COL9A1: variants seen among roughly 807,000 people sequenced by gnomAD.
COL9A1 encodes the protein collagen alpha-1(IX) chain.
In COL9A1, 104 loss-of-function variants were observed where a neutral mutation model predicts 142.6. The observed-to-expected ratio is 0.73, with a 90% CI of 0.62 to 0.86. COL9A1 has a LOEUF of 0.86. Ranked by LOEUF, COL9A1 falls within the 40% of genes least tolerant of loss-of-function variation. The pLI, the probability that COL9A1 is intolerant of heterozygous loss-of-function variation, is 0.00. For synonymous variants in COL9A1, 466 were observed against 396.0 expected, an observed-to-expected ratio of 1.18 and a Z score of -2.10; for missense variants, 1,210 against 1,176.6, an observed-to-expected ratio of 1.03 and a Z score of -0.42.
chr6:70,247,539 A>G (rs1336890812), intron 28 of COL9A1, among the ~76,000 whole-genome samples: 2 of 152,208 alleles, frequency 1.3e-5, no homozygotes, highest in Admixed American at 6.5e-5. Context: ...ATAAATCACT[A>G]TACTTAGTCT....
At chr6:70,289,727 T>C (rs1773587978) in intron 5 of COL9A1, among the ~76,000 whole-genome samples, 2 of 152,184 alleles carry the variant, frequency 1.3e-5, no homozygotes, top group South Asian at 4.1e-4. Context: ...AACAACTTAA[T>C]AAGCAGACTT....
chr6:70,247,889 G>A (rs187676373), intron 28 of COL9A1, among the ~76,000 whole-genome samples: 10 of 152,326 alleles, frequency 6.6e-5, no homozygotes, highest in Admixed American at 5.9e-4. Context: ...TAGATGGAGT[G>A]GGAGGGTGGC....
rs368608291 is a variant in COL9A1 at position 70,262,899 on chromosome 6, T to A, written c.1395+345A>T. The stretch of plus-strand genomic sequence containing the variant: ...TACTGCATATTTAGAACACACAAAA[T>A]TTTCTCATTATATCATGTGATAATA... On this transcript the variant is annotated intron_variant, in intron 19 of 37. Transcript: ENST00000357250. Among the ~76,000 whole-genome samples, 33 of 152,312 alleles carry A rather than the reference T, an allele frequency of 2.2e-4. No homozygotes were observed. In the East Asian group the frequency reaches 2.7e-3, roughly 12 times the overall value.
chr6:70,241,566 A>G, intron 30 of COL9A1, 112 bp from the exon 31 acceptor site: 1 of 877,524 alleles, frequency 1.1e-6, no homozygotes, highest in South Asian at 1.4e-5. Flanking sequence ...GTGATGGGAG[A>G]GGACGTTCCC....
intron 6 of COL9A1, 58 bp downstream of exon 6, chr6:70,283,679 G>A: frequency 7.8e-7 from 1 of 1,284,368 alleles, no homozygotes; most frequent in Non-Finnish European, 1.1e-6. Flanking sequence ...GGAAAGTGGT[G>A]AGGTGGAGAG....
chr6:70,254,547 A>G lies in COL9A1; in HGVS notation c.1666-18T>C, dbSNP rs752952751. On this transcript the variant is annotated intron_variant, in intron 24 of 37. Coordinates refer to ENST00000357250, the MANE Select transcript of COL9A1 (RefSeq NM_001851.6). ...GGTTCACCCTGCAAAAAAAGCTTTT[A>G]TCACATGATTGAACCTGTATGAGCT... The G allele has an allele frequency of 6.8e-6, 11 of 1,613,580 alleles. No homozygotes were observed. Among genetic ancestry groups the G allele is most frequent in the Non-Finnish European group, 9.3e-6 (11 of 1,179,602 alleles).
At chr6:70,279,842 C>G in intron 10 of COL9A1, 2 of 474,274 alleles carry the variant, frequency 4.2e-6, no homozygotes, top group Non-Finnish European at 7.8e-6. Flanking sequence ...TCTTGGAAAT[C>G]ATAATTATAG....
chr6:70,244,444 C>T (rs1770461203), intron 28 of COL9A1, among the ~76,000 whole-genome samples: 1 of 152,138 alleles, frequency 6.6e-6, no homozygotes, highest in African/African-American at 2.4e-5. Flanking sequence ...ACAGATTTTC[C>T]TCATCGTGTC....
chr6:70,229,439 G>C (rs866735152), intron 36 of COL9A1, among the ~76,000 whole-genome samples: 6 of 152,090 alleles, frequency 3.9e-5, no homozygotes, highest in African/African-American at 1.4e-4. Context: ...CATTATGAAC[G>C]AGTGGAAATT....
intron 33 of COL9A1, 132 bp downstream of exon 33, chr6:70,239,122 G>C (rs1364616514): frequency 4.6e-6 from 3 of 655,844 alleles, no homozygotes; most frequent in Non-Finnish European, 7.9e-6. Context: ...CTGGGCGACA[G>C]AGTGAGACTC....
At position 70,300,033 on chromosome 6, in the gene COL9A1, G is replaced by A. The variant is rs886061700; in HGVS notation, c.299+10C>T. ...CAGATAATTAGATTAAAATATTTTT[G>A]ATAGATTACCTAGTTGGAATCCTGA... On this transcript the variant is annotated intron_variant, in intron 4 of 37. Transcript: ENST00000357250. 4.3e-6 allele frequency: 7 copies of A among 1,612,512 alleles called. No individual in the cohort carries two copies. In the East Asian group the frequency reaches 1.3e-4, roughly 31 times the overall value.
chr6:70,299,976 T>C, intron 4 of COL9A1, 67 bp downstream of exon 4: 1 of 1,448,436 alleles, frequency 6.9e-7, no homozygotes, highest in Non-Finnish European at 9.7e-7. Context: ...ACTCTAACAT[T>C]GGATAGCTAT....
At chr6:70,248,635 T>C (rs1307006538) in intron 28 of COL9A1, among the ~76,000 whole-genome samples, 3 of 152,232 alleles carry the variant, frequency 2.0e-5, no homozygotes, top group African/African-American at 7.2e-5. Context: ...ATTTATAACC[T>C]ATCATGACAT....
intron 5 of COL9A1, among the ~76,000 whole-genome samples, chr6:70,292,109 T>G (rs954435800): frequency 2.0e-5 from 3 of 152,208 alleles, no homozygotes; most frequent in African/African-American, 7.2e-5. Flanking sequence ...AAATACATTT[T>G]GGTGAGAAGT....
At chr6:70,290,729 T>C (rs986210516) in intron 5 of COL9A1, among the ~76,000 whole-genome samples, 2 of 152,138 alleles carry the variant, frequency 1.3e-5, no homozygotes, top group East Asian at 1.9e-4. Context: ...ATAATCCCTT[T>C]AGAAGGGATA....
intron 2 of COL9A1, among the ~76,000 whole-genome samples, chr6:70,301,302 G>A (rs1403810500): frequency 2.0e-5 from 3 of 152,142 alleles, no homozygotes; most frequent in African/African-American, 7.2e-5. Context: ...TAGGCCCGGC[G>A]CTGTGGCTCA....
At chr6:70,231,427 T>G (rs552107585) in intron 36 of COL9A1, among the ~76,000 whole-genome samples, 1 of 152,242 alleles carries the variant, frequency 6.6e-6, no homozygotes, top group South Asian at 2.1e-4. Context: ...AATGTTCAGT[T>G]CTCTTTAAGA....
At chr6:70,215,692 T>C (rs1253212455), downstream of COL9A1, 1 of 152,158 alleles carries the variant, frequency 6.6e-6, no homozygotes, top group Non-Finnish European at 1.5e-5. Flanking sequence ...TGGTGAAACA[T>C]AAATCATGTT....
chr6:70,239,622 A>C (rs1200579), intron 32 of COL9A1, among the ~76,000 whole-genome samples: 77,732 of 152,050 alleles, frequency 0.51, 20,310 homozygotes, highest in African/African-American at 0.57. Context: ...AAATAGCATT[A>C]TCTTATAAAA....
Sources: gnomAD v4.1 joint callset for allele counts (sites outside exome capture counted in the v4.1 genomes callset) on GRCh38, gnomAD v4.1.1 for gene constraint, MANE v1.5 for transcripts, NCBI Gene and HGNC (gene_info 2026-07-23, HGNC 2026-07-21) for gene names.